The following CCDC88A variants were observed in gnomAD, a reference collection of about 807,000 sequenced individuals.
CCDC88A encodes the protein coiled-coil and HOOK domain protein 88A, also known as girdin.
In CCDC88A, 54 loss-of-function variants were observed where a neutral mutation model predicts 234.3. That is an observed-to-expected ratio of 0.23 (90% CI 0.19 to 0.29). The LOEUF is 0.29. CCDC88A is among the 10% of genes least tolerant of loss of function. The probability of loss-of-function intolerance (pLI) is 1.00; values close to 1 mark genes in which losing one functional copy is unlikely to be tolerated. For missense variants in CCDC88A, 1,832 were observed against 2,123.4 expected (o/e 0.86, Z 2.70); for synonymous variants, 753 against 737.8 (o/e 1.02, Z -0.33).
intron 28 of CCDC88A, 113 bp from the exon 29 acceptor site, chr2:55,300,032 A>C (rs1217219933): frequency 1.5e-5 from 11 of 739,664 alleles, no homozygotes; most frequent in Non-Finnish European, 2.6e-5. Context: ...ATACTTTCAC[A>C]AGATGAGCAT....
rs779651822 is a variant in CCDC88A at position 55,419,115 on chromosome 2, C to A, written c.-36G>T. On this transcript the variant is annotated 5_prime_UTR_variant, in exon 1 of 33. Coordinates refer to ENST00000436346, the MANE Select transcript of CCDC88A (RefSeq NM_001365480.1). Reference sequence around the variant, plus strand: ...ATGTATTTGAAAAAAGGAACTACCACAAAAATACGCCTAGGGAATTGGTCA... The same window carrying A: ...ATGTATTTGAAAAAAGGAACTACCAAAAAAATACGCCTAGGGAATTGGTCA... The A allele has an allele frequency of 3.2e-5, 40 of 1,245,226 alleles. No individual in the cohort carries two copies. The highest frequency in any genetic ancestry group is 1.9e-4 in the Middle Eastern group (1 of 5,332). 77.1% of individuals were successfully genotyped at this position (1,245,226 alleles called of 1,614,324 possible).
intron 29 of CCDC88A, among the ~76,000 whole-genome samples, chr2:55,297,381 A>AAATATATAT (rs1491145761): frequency 3.9e-3 from 379 of 96,446 alleles, no homozygotes; most frequent in East Asian, 8.0e-3. Context: ...TATTATATAT[A>AAATATATAT]AATATATATT....
chr2:55,322,857 T>C (rs1683802963), intron 17 of CCDC88A, 165 bp from the exon 18 acceptor site: 2 of 425,320 alleles, frequency 4.7e-6, no homozygotes, highest in Non-Finnish European at 4.1e-6. Flanking sequence ...TGTAAATCCT[T>C]TCCTCCTAGA....
intron 31 of CCDC88A, chr2:55,294,849 T>C (rs1679832877): frequency 2.9e-6 from 3 of 1,043,260 alleles, no homozygotes; most frequent in South Asian, 3.2e-5. Context: ...ATGCAGAAAA[T>C]GGACAAAGTA....
At chr2:55,409,141 G>C (rs994636000) in intron 2 of CCDC88A, among the ~76,000 whole-genome samples, 8 of 152,248 alleles carry the variant, frequency 5.3e-5, no homozygotes, top group Middle Eastern at 6.8e-3. Flanking sequence ...GACAATACTT[G>C]TATTCATCTT....
At chr2:55,351,625 C>T (rs61157332) in intron 8 of CCDC88A, among the ~76,000 whole-genome samples, 11,990 of 152,270 alleles carry the variant, frequency 0.079, 721 homozygotes, top group East Asian at 0.31. Context: ...GAATTATAGG[C>T]GTAAGCCACC....
intron 26 of CCDC88A, among the ~76,000 whole-genome samples, chr2:55,302,410 T>C (rs1048552422): frequency 1.3e-5 from 2 of 152,152 alleles, no homozygotes; most frequent in African/African-American, 4.8e-5. Flanking sequence ...GTGACAAAAA[T>C]GGAATGAATA....
chr2:55,341,927 T>C (rs1382526003), intron 12 of CCDC88A, among the ~76,000 whole-genome samples: 1 of 152,182 alleles, frequency 6.6e-6, no homozygotes, highest in Admixed American at 6.5e-5. Flanking sequence ...TTTAGATATA[T>C]ACCCAGGAGC....
chr2:55,376,516 T>C (rs1254612101), intron 3 of CCDC88A, among the ~76,000 whole-genome samples: 2 of 152,182 alleles, frequency 1.3e-5, no homozygotes, highest in Non-Finnish European at 2.9e-5. Context: ...AGATGTTAAT[T>C]AGAATTCATC....
At chr2:55,379,516 C>G (rs924921657) in intron 3 of CCDC88A, among the ~76,000 whole-genome samples, 3 of 152,200 alleles carry the variant, frequency 2.0e-5, no homozygotes, top group African/African-American at 7.2e-5. Context: ...ATTCTAGACA[C>G]TGAAAATACA....
At chr2:55,401,432 TC>T (rs1405680638) in intron 2 of CCDC88A, among the ~76,000 whole-genome samples, 30 of 11,134 alleles carry the variant, frequency 2.7e-3, no homozygotes, top group Admixed American at 5.9e-3. Flanking sequence ...AGACTCTGTC[TC>T]CAAAAAAAAA....
At chr2:55,350,599 A>G (rs1016713531) in intron 8 of CCDC88A, 4 of 148,448 alleles carry the variant, frequency 2.7e-5, no homozygotes, top group African/African-American at 9.8e-5. Context: ...AAACCATTAT[A>G]TATTAATATA....
chr2:55,302,916 G>GA (rs150867933), intron 26 of CCDC88A, 153 bp downstream of exon 26: 18,173 of 535,500 alleles, frequency 0.034, 1,314 homozygotes, highest in African/African-American at 0.23. Flanking sequence ...AGTGCCACTT[G>GA]AAAAAAAAAA....
rs1395573932 is a variant in CCDC88A at position 55,295,593 on chromosome 2, T to A, written c.5551+4A>T. 1 of 1,614,020 alleles carries A rather than the reference T, an allele frequency of 6.2e-7. No individual in the cohort carries two copies. The highest frequency in any genetic ancestry group is 8.5e-7 in the Non-Finnish European group (1 of 1,179,994). On this transcript the variant is annotated splice_donor_region_variant and intron_variant, in intron 31 of 32. Transcript: ENST00000436346. ...AGAGGACCACTGGTGTAAATGGTACTCACTAGATGCTGCAGTGGTGTTGCT... is the reference window on the plus strand; with the variant it reads ...AGAGGACCACTGGTGTAAATGGTACACACTAGATGCTGCAGTGGTGTTGCT...
At chr2:55,373,024 G>T (rs1673067617) in intron 4 of CCDC88A, among the ~76,000 whole-genome samples, 1 of 152,162 alleles carries the variant, frequency 6.6e-6, no homozygotes, top group Non-Finnish European at 1.5e-5. Context: ...TTACAGTGAG[G>T]CTGTTAAAAT....
rs113209169 is a variant in CCDC88A at position 55,308,897 on chromosome 2, C to A, written c.4299G>T (p.Gln1433His). Residue 1433 changes from glutamine to histidine, a missense_variant, in exon 25 of 33, where the codon CAG (glutamine) becomes CAT (histidine). Around this residue, in one of 6 missense-constraint regions of CCDC88A, gnomAD observed 1,282 missense variants for 1,543.6 expected, o/e 0.83. Coordinates refer to ENST00000436346, the MANE Select transcript of CCDC88A (RefSeq NM_001365480.1). ...TRSDSSEGFLQLPHQDSQDSS... is the reference protein window; with the variant it reads ...TRSDSSEGFLHLPHQDSQDSS... ...TATCTTGACTGTCTTGATGAGGGAG[C>A]TGAAGAAATCCTTCACTGGAGTCTG... is the stretch of plus-strand genomic sequence containing the variant. 1.2e-6 allele frequency: 2 copies of A among 1,613,944 alleles called. No homozygotes were observed. The highest frequency in any genetic ancestry group is 1.7e-6 in the Non-Finnish European group (2 of 1,179,974).
chr2:55,410,285 G>C (rs1316329012), intron 2 of CCDC88A, among the ~76,000 whole-genome samples: 2 of 152,292 alleles, frequency 1.3e-5, no homozygotes, highest in East Asian at 1.9e-4. Context: ...CCTCTTTGTG[G>C]TGCTAGAAAG....
chr2:55,350,608 T>A (rs1338661487), intron 8 of CCDC88A: 2 of 148,568 alleles, frequency 1.3e-5, no homozygotes, highest in African/African-American at 4.9e-5. Flanking sequence ...TATATTAATA[T>A]ATATTATAAA....
At chr2:55,327,427 G>A (rs1048554552) in intron 17 of CCDC88A, among the ~76,000 whole-genome samples, 6 of 152,072 alleles carry the variant, frequency 3.9e-5, no homozygotes, top group African/African-American at 4.8e-5. Context: ...ATGAGTATAC[G>A]GATTCAAAGC....
Sources: gnomAD v4.1 joint callset for allele counts (sites outside exome capture counted in the v4.1 genomes callset) on GRCh38, gnomAD v4.1.1 for gene constraint, gnomAD v4.1.1 regional missense constraint, MANE v1.5 for transcripts, NCBI Gene and HGNC (gene_info 2026-07-23, HGNC 2026-07-21) for gene names.